CENPP: variants seen among roughly 807,000 people sequenced by gnomAD.
CENPP encodes centromere protein P.
In CENPP, 24 loss-of-function variants were observed where a neutral mutation model predicts 35.6. The observed-to-expected ratio is 0.67, with a 90% CI of 0.49 to 0.95. CENPP has a LOEUF of 0.95. CENPP is among the 40% of genes least tolerant of loss of function. The probability of loss-of-function intolerance (pLI) is 0.00; values close to 1 mark genes in which losing one functional copy is unlikely to be tolerated. For missense variants in CENPP, 332 were observed against 345.3 expected, an observed-to-expected ratio of 0.96 and a Z score of 0.31; for synonymous variants, 120 against 125.5, an observed-to-expected ratio of 0.96 and a Z score of 0.29.
intron 5 of CENPP, chr9:92,502,804 CT>C (rs34408968): frequency 0.13 from 36,998 of 294,188 alleles, 96 homozygotes; most frequent in South Asian, 0.18. Flanking sequence ...TTTAAGTTGT[CT>C]TTTTTTTTTT....
intron 5 of CENPP, among the ~76,000 whole-genome samples, chr9:92,532,255 T>C (rs940970494): frequency 5.9e-5 from 9 of 151,924 alleles, no homozygotes; most frequent in Non-Finnish European, 1.2e-4. Flanking sequence ...TAATTTTTTT[T>C]CTCTCACTGT....
At chr9:92,488,976 A>G (rs1448378822) in intron 5 of CENPP, among the ~76,000 whole-genome samples, 1 of 152,194 alleles carries the variant, frequency 6.6e-6, no homozygotes, top group Non-Finnish European at 1.5e-5. Context: ...GATTTTATCC[A>G]TTTTCATACA....
chr9:92,449,437 C>CAAAAAAAAAAAAAAAAA (rs56218626), intron 5 of CENPP, among the ~76,000 whole-genome samples: 1 of 54,958 alleles, frequency 1.8e-5, no homozygotes, highest in Non-Finnish European at 3.4e-5. Context: ...ACTCTATCTC[C>CAAAAAAAAAAAAAAAAA]AAAAAAAAAA....
chr9:92,484,953 G>C (rs1846020572), intron 5 of CENPP, among the ~76,000 whole-genome samples: 1 of 152,216 alleles, frequency 6.6e-6, no homozygotes, highest in African/African-American at 2.4e-5. Flanking sequence ...AAAGAAATAG[G>C]CCCTGGAATA....
At position 92,440,383 on chromosome 9, in the gene CENPP, A is replaced by C. The variant is rs150746804; in HGVS notation, c.564+60524A>C. ...TAAATAAATAAATAAATAAATAAAT[A>C]AATCACAAGAAAACTCATCATGTTT... is the stretch of plus-strand genomic sequence containing the variant. On this transcript the variant is annotated intron_variant, in intron 5 of 7. Coordinates refer to ENST00000375587, the MANE Select transcript of CENPP (RefSeq NM_001012267.3). 3.5e-3 allele frequency among the ~76,000 whole-genome samples: 534 copies of C among 151,888 alleles called. 1 individual carries two copies. Among genetic ancestry groups the C allele is most frequent in the Non-Finnish European group, 6.2e-3 (419 of 67,924 alleles).
chr9:92,362,945 A>C (rs1841796357), intron 4 of CENPP, among the ~76,000 whole-genome samples: 1 of 152,186 alleles, frequency 6.6e-6, no homozygotes, highest in Non-Finnish European at 1.5e-5. Context: ...CCCGGATTTG[A>C]TCAGAGGGAA....
At chr9:92,583,966 C>T (rs1219418507) in intron 5 of CENPP, among the ~76,000 whole-genome samples, 1 of 152,214 alleles carries the variant, frequency 6.6e-6, no homozygotes, top group Non-Finnish European at 1.5e-5. Context: ...GAGTTGATGG[C>T]TCTGCTTAGT....
intron 4 of CENPP, among the ~76,000 whole-genome samples, chr9:92,375,591 C>T (rs1474751082): frequency 5.3e-5 from 8 of 152,054 alleles, no homozygotes; most frequent in African/African-American, 9.7e-5. Flanking sequence ...CCACCGCGCC[C>T]GGCCATTTTT....
At chr9:92,468,698 A>G (rs1156334334) in intron 5 of CENPP, among the ~76,000 whole-genome samples, 2 of 152,256 alleles carry the variant, frequency 1.3e-5, no homozygotes, top group East Asian at 1.9e-4. Flanking sequence ...CTACAATTCA[A>G]GTATAAAGCA....
At chr9:92,509,568 C>T (rs1342883032) in intron 5 of CENPP, among the ~76,000 whole-genome samples, 1 of 152,174 alleles carries the variant, frequency 6.6e-6, no homozygotes, top group East Asian at 1.9e-4. Context: ...CGATCCATAA[C>T]ACAAAACACA....
chr9:92,379,178 G>A (rs1429174325), intron 4 of CENPP, among the ~76,000 whole-genome samples: 1 of 152,246 alleles, frequency 6.6e-6, no homozygotes, highest in African/African-American at 2.4e-5. Context: ...AGGTCTGGGG[G>A]TTGGGGAGAC....
intron 4 of CENPP, among the ~76,000 whole-genome samples, chr9:92,374,451 C>T (rs1467360186): frequency 6.6e-6 from 1 of 152,092 alleles, no homozygotes; most frequent in Non-Finnish European, 1.5e-5. Context: ...GGTGATCCGC[C>T]CACCTCGGCC....
chr9:92,557,972 A>G (rs1208684569), intron 5 of CENPP, among the ~76,000 whole-genome samples: 4 of 152,076 alleles, frequency 2.6e-5, no homozygotes, highest in African/African-American at 7.2e-5. Context: ...AGTGTGTCCA[A>G]AGTTTCCTGA....
intron 5 of CENPP, among the ~76,000 whole-genome samples, chr9:92,575,995 T>C (rs1378310696): frequency 6.6e-6 from 1 of 152,188 alleles, no homozygotes; most frequent in Non-Finnish European, 1.5e-5. Context: ...TCCACTGATT[T>C]CACCTGAGGT....
At chr9:92,372,603 G>A (rs751640195) in intron 4 of CENPP, among the ~76,000 whole-genome samples, 8 of 152,124 alleles carry the variant, frequency 5.3e-5, no homozygotes, top group Non-Finnish European at 7.4e-5. Context: ...ACTTCCTTGA[G>A]CATTTCTTCT....
intron 4 of CENPP, among the ~76,000 whole-genome samples, chr9:92,348,448 G>A (rs1008359167): frequency 2.7e-5 from 4 of 146,748 alleles, no homozygotes; most frequent in African/African-American, 1.0e-4. Flanking sequence ...GCTGGAGTGC[G>A]ATGGCACAAT....
rs1020275520 is a variant in CENPP, at chr9:92,617,485, G to C, written c.*4336G>C. On this transcript the variant is annotated 3_prime_UTR_variant, in exon 8 of 8. Coordinates refer to ENST00000375587, the MANE Select transcript of CENPP (RefSeq NM_001012267.3). The stretch of plus-strand genomic sequence containing the variant: ...CCAGCGGGCACCAGCTCCTGACACA[G>C]AAATGCTCTTCTTCCCCCTCAGTAC... 2.0e-5 allele frequency: 3 copies of C among 152,884 alleles called. No individual in the cohort carries two copies. Among genetic ancestry groups the C allele is most frequent in the Admixed American group, 6.5e-5 (1 of 15,288 alleles). 9.5% of individuals were successfully genotyped at this position (152,884 alleles called of 1,614,324 possible).
intron 5 of CENPP, chr9:92,415,106 G>A: frequency 1.5e-6 from 2 of 1,362,428 alleles, no homozygotes; most frequent in African/African-American, 1.5e-5. Flanking sequence ...ACTATATTAA[G>A]TATAGGTTTT....
chr9:92,432,617 G>A (rs1844140840), intron 5 of CENPP, among the ~76,000 whole-genome samples: 1 of 152,174 alleles, frequency 6.6e-6, no homozygotes, highest in African/African-American at 2.4e-5. Flanking sequence ...CAGAAGAAGC[G>A]AGAGAGCACT....
Sources: gnomAD v4.1 joint callset for allele counts (sites outside exome capture counted in the v4.1 genomes callset) on GRCh38, gnomAD v4.1.1 for gene constraint, MANE v1.5 for transcripts, NCBI Gene and HGNC (gene_info 2026-07-23, HGNC 2026-07-21) for gene names.